CTIF: variants seen among roughly 807,000 people sequenced by gnomAD.
CTIF encodes the protein CBP80/20-dependent translation initiation factor.
CTIF carries 21 observed loss-of-function variants against 66.0 expected under a neutral mutation model. The observed-to-expected ratio is 0.32, with a 90% CI of 0.23 to 0.46. CTIF has a LOEUF of 0.46. CTIF is among the 20% of genes least tolerant of loss of function. The pLI is 1.00. For missense variants in CTIF, 739 were observed against 812.7 expected (o/e 0.91, Z 1.10); for synonymous variants, 345 against 326.4 (o/e 1.06, Z -0.62).
At chr18:48,848,716 G>A (rs2069132990) in intron 10 of CTIF, among the ~76,000 whole-genome samples, 2 of 152,236 alleles carry the variant, frequency 1.3e-5, no homozygotes, top group African/African-American at 4.8e-5. Flanking sequence ...TGGGCAGCCT[G>A]CCTGTGCCCG....
intron 9 of CTIF, among the ~76,000 whole-genome samples, chr18:48,762,957 T>C (rs959281212): frequency 6.6e-6 from 1 of 152,214 alleles, no homozygotes; most frequent in African/African-American, 2.4e-5. Context: ...CTGGGCTGCT[T>C]CTCTCCTGCT....
chr18:48,642,542 G>A (rs1239049492), intron 3 of CTIF, among the ~76,000 whole-genome samples: 1 of 152,182 alleles, frequency 6.6e-6, no homozygotes, highest in Admixed American at 6.5e-5. Flanking sequence ...TCAAGTGGGG[G>A]GCTGAGAATG....
At chr18:48,815,575 T>C (rs2146315757) in intron 9 of CTIF, among the ~76,000 whole-genome samples, 2 of 152,324 alleles carry the variant, frequency 1.3e-5, no homozygotes, top group East Asian at 3.9e-4. Flanking sequence ...CTGATGAAAC[T>C]CAGGTCATTA....
At chr18:48,633,927 A>G (rs1463504335) in intron 2 of CTIF, among the ~76,000 whole-genome samples, 1 of 152,212 alleles carries the variant, frequency 6.6e-6, no homozygotes, top group African/African-American at 2.4e-5. Context: ...AACCATTATC[A>G]GAAGCAGGAA....
At chr18:48,802,507 C>A (rs2068068478) in intron 9 of CTIF, among the ~76,000 whole-genome samples, 1 of 152,222 alleles carries the variant, frequency 6.6e-6, no homozygotes, top group South Asian at 2.1e-4. Flanking sequence ...GAGCACCAGG[C>A]CCAGGATCAG....
rs143809184 is a variant in CTIF at position 48,560,121 on chromosome 18, C to T, written c.-29+20809C>T. On this transcript the variant is annotated intron_variant, in intron 1 of 11. Coordinates refer to ENST00000256413, the MANE Select transcript of CTIF (RefSeq NM_014772.3). ...AGTTATCTAACAGTCTCTGGAGTGT[C>T]ACTTCCATATACTACTGGTCAAGCA... Among the ~76,000 whole-genome samples the T allele has an allele frequency of 2.6e-3, 392 of 152,192 alleles. 2 individuals are homozygous for T. The highest frequency in any genetic ancestry group is 6.8e-3 in the Middle Eastern group (2 of 294).
chr18:48,699,327 T>G, intron 6 of CTIF, among the ~76,000 whole-genome samples: 1 of 150,020 alleles, frequency 6.7e-6, no homozygotes, highest in East Asian at 1.9e-4. Flanking sequence ...GCTTCCCCTC[T>G]TCTAGCTCTC....
At chr18:48,756,601 C>A (rs546948958) in intron 7 of CTIF, among the ~76,000 whole-genome samples, 41 of 152,304 alleles carry the variant, frequency 2.7e-4, no homozygotes, top group African/African-American at 9.6e-4. Context: ...CACTATTTTA[C>A]AACCTTTGCA....
At chr18:48,564,185 C>T (rs2089228440) in intron 1 of CTIF, among the ~76,000 whole-genome samples, 2 of 152,154 alleles carry the variant, frequency 1.3e-5, no homozygotes, top group South Asian at 2.1e-4. Context: ...ACTTAGGCAT[C>T]GGGTGTCCTA....
chr18:48,794,917 T>G (rs1308270564), intron 9 of CTIF, among the ~76,000 whole-genome samples: 1 of 151,838 alleles, frequency 6.6e-6, no homozygotes, highest in Non-Finnish European at 1.5e-5. Flanking sequence ...GGGTGATCGG[T>G]AGGGGGTTGC....
At chr18:48,794,238 C>T (rs1018348329) in intron 9 of CTIF, among the ~76,000 whole-genome samples, 3 of 152,218 alleles carry the variant, frequency 2.0e-5, no homozygotes, top group Non-Finnish European at 4.4e-5. Context: ...TTTGCTGCTC[C>T]TTTGACAGAT....
chr18:48,823,978 AC>A (rs2068533355), intron 10 of CTIF, among the ~76,000 whole-genome samples: 1 of 35,408 alleles, frequency 2.8e-5, no homozygotes, highest in African/African-American at 1.7e-4. Context: ...TAAAGACTCC[AC>A]ACACACACAC....
At chr18:48,724,495 C>G (rs2092368901) in intron 7 of CTIF, among the ~76,000 whole-genome samples, 1 of 152,230 alleles carries the variant, frequency 6.6e-6, no homozygotes, top group Non-Finnish European at 1.5e-5. Context: ...CTCAGTCCCT[C>G]TCCCTTGCCT....
At position 48,761,896 on chromosome 18, in the gene CTIF, G is replaced by T. The variant is rs1481459063; in HGVS notation, c.1371+207G>T. On this transcript the variant is annotated intron_variant, in intron 9 of 11. Transcript: ENST00000256413. The surrounding 1 kb of genome is among the most constrained non-coding windows in gnomAD (Gnocchi z 4.2). The stretch of plus-strand genomic sequence containing the variant: ...GTGTGTGTTTATGTGTGGGCTCCCT[G>T]GTTACAATGGACCAATATAATTTTA... Among the ~76,000 whole-genome samples, 1 of 152,196 alleles carries T rather than the reference G, an allele frequency of 6.6e-6. No individual in the cohort carries two copies. Among genetic ancestry groups the T allele is most frequent in the African/African-American group, 2.4e-5 (1 of 41,442 alleles).
chr18:48,601,679 A>G (rs2090093550), intron 1 of CTIF, among the ~76,000 whole-genome samples: 1 of 152,224 alleles, frequency 6.6e-6, no homozygotes, highest in African/African-American at 2.4e-5. Context: ...AAGGGCCCCC[A>G]TCACCCACCC....
At chr18:48,856,205 C>T (rs572630295) in intron 10 of CTIF, among the ~76,000 whole-genome samples, 1 of 152,310 alleles carries the variant, frequency 6.6e-6, no homozygotes, top group East Asian at 1.9e-4. Context: ...GGTGTCAGCA[C>T]ACCAGTGCTG....
At chr18:48,560,596 A>AATCTT (rs1396318685) in intron 1 of CTIF, among the ~76,000 whole-genome samples, 1 of 151,934 alleles carries the variant, frequency 6.6e-6, no homozygotes. Flanking sequence ...TTTGAGACAG[A>AATCTT]ATCTTGTTCT....
chr18:48,572,039 TTCCTTCTCTTTC>T (rs1275483713), intron 1 of CTIF, among the ~76,000 whole-genome samples: 4 of 149,514 alleles, frequency 2.7e-5, no homozygotes. Context: ...GAATTATTTC[TTCCTTCTCTTTC>T]TCCTTCTCCT....
At chr18:48,755,904 A>C (rs1301403398) in intron 7 of CTIF, 1 of 152,270 alleles carries the variant, frequency 6.6e-6, no homozygotes, top group Non-Finnish European at 1.5e-5. Context: ...TGAAAGGTAG[A>C]AAGAAGACAG....
Sources: gnomAD v4.1 joint callset for allele counts (sites outside exome capture counted in the v4.1 genomes callset) on GRCh38, gnomAD v4.1.1 for gene constraint, Gnocchi (gnomAD v3.1) non-coding constraint, MANE v1.5 for transcripts, NCBI Gene and HGNC (gene_info 2026-07-23, HGNC 2026-07-21) for gene names.